Variants in SDK1 observed in about 807,000 individuals in gnomAD.
SDK1 encodes the protein sidekick cell adhesion molecule 1.
A neutral mutation model predicts 245.5 loss-of-function variants in SDK1; 157 were observed. The ratio of observed to expected loss-of-function variants is 0.64; its 90% CI spans 0.56 to 0.73. The LOEUF (loss-of-function observed/expected upper bound fraction) is 0.73. Ranked by LOEUF, SDK1 falls within the 30% of genes least tolerant of loss-of-function variation. The pLI is 0.00. For synonymous variants in SDK1, 1,647 were observed against 1,278.5 expected (o/e 1.29, Z -6.15); for missense variants, 3,583 against 3,002.3 (o/e 1.19, Z -4.52).
Position 3,721,706 on chromosome 7 carries a change from A to G in SDK1, c.713+79601A>G, listed in dbSNP as rs145806832. On this transcript the variant is annotated intron_variant, in intron 4 of 44. Transcript: ENST00000404826. ...GTGTGCTCACTGAGGAAGGGGGAGG[A>G]ATAATGATCTGTTCCCAGGATTAAG... Among the ~76,000 whole-genome samples the G allele has an allele frequency of 1.4e-3, 213 of 152,236 alleles. 2 individuals carry two copies. Among genetic ancestry groups the G allele is most frequent in the African/African-American group, 5.0e-3 (206 of 41,546 alleles).
chr7:3,975,661 T>C (rs542897485), intron 13 of SDK1, among the ~76,000 whole-genome samples: 1 of 152,220 alleles, frequency 6.6e-6, no homozygotes, highest in African/African-American at 2.4e-5. Flanking sequence ...GTAGTCCCTA[T>C]TTGTGGATAT....
At chr7:3,702,425 C>T (rs1562382331) in intron 4 of SDK1, among the ~76,000 whole-genome samples, 6 of 152,194 alleles carry the variant, frequency 3.9e-5, no homozygotes, top group Admixed American at 1.3e-4. Flanking sequence ...AGTGTGTATT[C>T]GTGGCTCCTG....
chr7:4,144,351 C>T (rs998046401), intron 28 of SDK1, among the ~76,000 whole-genome samples: 6 of 152,146 alleles, frequency 3.9e-5, no homozygotes, highest in African/African-American at 1.4e-4. Flanking sequence ...CTGCGACAGC[C>T]ACTCTGGGGG....
chr7:4,061,172 T>A (rs1035385345), intron 19 of SDK1, among the ~76,000 whole-genome samples: 9 of 152,140 alleles, frequency 5.9e-5, no homozygotes, highest in African/African-American at 7.2e-5. Flanking sequence ...TTTCCAATTC[T>A]GTGAAGAAAG....
At chr7:4,134,933 C>T (rs1418447714) in intron 28 of SDK1, 1 of 152,422 alleles carries the variant, frequency 6.6e-6, no homozygotes, top group African/African-American at 2.4e-5. Context: ...GGCTCTAGGC[C>T]CCGCCCTCTG....
intron 35 of SDK1, among the ~76,000 whole-genome samples, chr7:4,181,723 C>A (rs1469890848): frequency 6.6e-6 from 1 of 152,214 alleles, no homozygotes; most frequent in African/African-American, 2.4e-5. Context: ...GGAAAGCCTA[C>A]TTGCTGTGCC....
At chr7:3,993,552 G>T (rs976403746) in intron 14 of SDK1, among the ~76,000 whole-genome samples, 2 of 152,040 alleles carry the variant, frequency 1.3e-5, no homozygotes, top group African/African-American at 4.8e-5. Flanking sequence ...AAATACATTT[G>T]TACTTTTTAT....
intron 1 of SDK1, among the ~76,000 whole-genome samples, chr7:3,582,683 TAAAAAAAAAAAAA>T (rs71029682): frequency 1.1e-4 from 8 of 69,672 alleles, no homozygotes; most frequent in Admixed American, 8.0e-4. Context: ...TAAACTAAAG[TAAAAAAAAAAAAA>T]AAAAAAAAAA....
chr7:4,002,749 T>C (rs1215092262), intron 14 of SDK1, among the ~76,000 whole-genome samples: 4 of 152,098 alleles, frequency 2.6e-5, no homozygotes, highest in East Asian at 1.9e-4. Context: ...AAAAATCTGG[T>C]TGGGAGATGG....
At chr7:4,020,920 C>A (rs1191859892) in intron 17 of SDK1, among the ~76,000 whole-genome samples, 2 of 152,218 alleles carry the variant, frequency 1.3e-5, no homozygotes, top group Non-Finnish European at 2.9e-5. Flanking sequence ...AAGGAGACAT[C>A]ACACACATGC....
intron 4 of SDK1, among the ~76,000 whole-genome samples, chr7:3,725,174 C>G (rs1474098524): frequency 6.6e-6 from 1 of 152,160 alleles, no homozygotes; most frequent in Admixed American, 6.5e-5. Flanking sequence ...TTGCTAGGGA[C>G]TTTCTTGCTA....
intron 44 of SDK1, among the ~76,000 whole-genome samples, chr7:4,257,811 A>G (rs1787722969): frequency 6.6e-6 from 1 of 152,194 alleles, no homozygotes; most frequent in Non-Finnish European, 1.5e-5. Flanking sequence ...CCCCAGAACA[A>G]AGCACTCTTC....
chr7:3,939,396 TG>T (rs1277394241), intron 5 of SDK1, among the ~76,000 whole-genome samples: 1 of 152,234 alleles, frequency 6.6e-6, no homozygotes, highest in East Asian at 1.9e-4. Flanking sequence ...GTCCAGGGGC[TG>T]GGCCAGTACA....
chr7:3,696,177 T>C (rs571345223), intron 4 of SDK1, among the ~76,000 whole-genome samples: 3 of 152,162 alleles, frequency 2.0e-5, no homozygotes, highest in Non-Finnish European at 4.4e-5. Context: ...TCCTGCCAAC[T>C]TAAATCTTAT....
At chr7:3,651,231 C>G (rs771948206) in intron 4 of SDK1, among the ~76,000 whole-genome samples, 9 of 151,434 alleles carry the variant, frequency 5.9e-5, no homozygotes, top group Non-Finnish European at 1.2e-4. Flanking sequence ...CCTGCTTCCT[C>G]ACTAGCATTT....
At chr7:3,627,871 C>T (rs996391826) in intron 2 of SDK1, among the ~76,000 whole-genome samples, 6 of 152,202 alleles carry the variant, frequency 3.9e-5, no homozygotes, top group East Asian at 3.8e-4. Flanking sequence ...GGGCTATTTA[C>T]ATATGACTTT....
intron 1 of SDK1, among the ~76,000 whole-genome samples, chr7:3,520,481 G>A (rs1026632848): frequency 6.6e-6 from 1 of 152,140 alleles, no homozygotes; most frequent in Non-Finnish European, 1.5e-5. Flanking sequence ...ACTACACCCT[G>A]AATCCTGTTA....
intron 17 of SDK1, among the ~76,000 whole-genome samples, chr7:4,048,862 G>T (rs1314258527): frequency 6.6e-6 from 1 of 152,168 alleles, no homozygotes; most frequent in African/African-American, 2.4e-5. Flanking sequence ...CAGACAAAGA[G>T]AAATTTAACC....
intron 1 of SDK1, among the ~76,000 whole-genome samples, chr7:3,473,689 C>G (rs1423177181): frequency 6.7e-6 from 1 of 149,892 alleles, no homozygotes; most frequent in Non-Finnish European, 1.5e-5. Context: ...TTTTTTTTTT[C>G]CATTTTATCT....
Sources: allele counts gnomAD v4.1 joint callset (sites outside exome capture counted in the v4.1 genomes callset), GRCh38; gene constraint gnomAD v4.1.1; transcripts MANE v1.5; gene names NCBI Gene and HGNC (gene_info 2026-07-23, HGNC 2026-07-21).